PNOC: variants seen among roughly 807,000 people sequenced by gnomAD.
The protein encoded by PNOC is prepronociceptin.
A neutral mutation model predicts 15.6 loss-of-function variants in PNOC; 10 were observed. The ratio of observed to expected loss-of-function variants is 0.64; its 90% CI spans 0.40 to 1.09. PNOC has a LOEUF of 1.09. Ranked by LOEUF, PNOC falls within the 50% of genes least tolerant of loss-of-function variation. The pLI is 0.01. For missense variants in PNOC, 220 were observed against 223.9 expected, an observed-to-expected ratio of 0.98 and a Z score of 0.11; for synonymous variants, 98 against 88.5, an observed-to-expected ratio of 1.11 and a Z score of -0.60.
intron 2 of PNOC, among the ~76,000 whole-genome samples, chr8:28,332,768 A>G (rs1302966023): frequency 6.6e-6 from 1 of 152,130 alleles, no homozygotes; most frequent in East Asian, 1.9e-4. Flanking sequence ...CTGGCCAACA[A>G]GGCGAAACCC....
intron 1 of PNOC, among the ~76,000 whole-genome samples, chr8:28,325,126 C>T (rs892703607): frequency 3.9e-5 from 6 of 152,096 alleles, no homozygotes; most frequent in South Asian, 2.1e-4. Flanking sequence ...CGCATATCAC[C>T]GCCACTCTGC....
At chr8:28,331,342 G>A (rs1801326744) in intron 2 of PNOC, among the ~76,000 whole-genome samples, 1 of 152,212 alleles carries the variant, frequency 6.6e-6, no homozygotes, top group South Asian at 2.1e-4. Context: ...CCTTGCTGAT[G>A]ATTTCCTCCT....
intron 3 of PNOC, among the ~76,000 whole-genome samples, chr8:28,340,460 C>G (rs1246287506): frequency 2.6e-5 from 4 of 152,162 alleles, no homozygotes; most frequent in African/African-American, 9.7e-5. Flanking sequence ...GCATTGGCAA[C>G]CTAGCACAGT....
chr8:28,322,592 A>G (rs1274966158), intron 1 of PNOC, among the ~76,000 whole-genome samples: 1 of 152,226 alleles, frequency 6.6e-6, no homozygotes, highest in East Asian at 1.9e-4. Context: ...TGGGGATGAT[A>G]GCACTTACCC....
At chr8:28,330,067 C>T (rs906121588) in intron 2 of PNOC, among the ~76,000 whole-genome samples, 2 of 152,164 alleles carry the variant, frequency 1.3e-5, no homozygotes, top group Non-Finnish European at 1.5e-5. Flanking sequence ...CTGCCTCAGC[C>T]TCCCAAGTAG....
chr8:28,323,589 C>T (rs1370023445), intron 1 of PNOC, among the ~76,000 whole-genome samples: 1 of 152,250 alleles, frequency 6.6e-6, no homozygotes, highest in Non-Finnish European at 1.5e-5. Context: ...GTTGAAAGGA[C>T]TGACCATCTC....
intron 1 of PNOC, among the ~76,000 whole-genome samples, chr8:28,320,572 C>T (rs772443661): frequency 4.6e-5 from 7 of 152,170 alleles, no homozygotes; most frequent in Non-Finnish European, 7.4e-5. Context: ...GAAGTTTGGC[C>T]GGGCGCAGTG....
chr8:28,320,338 G>A (rs924432811), intron 1 of PNOC, among the ~76,000 whole-genome samples: 5 of 151,776 alleles, frequency 3.3e-5, no homozygotes, highest in African/African-American at 1.2e-4. Context: ...GCCAAGGAAC[G>A]TGTGTGGGGT....
chr8:28,338,963 G>A, intron 2 of PNOC, 77 bp from the exon 3 acceptor site: 1 of 1,333,086 alleles, frequency 7.5e-7, no homozygotes, highest in Middle Eastern at 1.9e-4. Flanking sequence ...TGGTGCAGTG[G>A]GCCAGATCTC....
intron 1 of PNOC, among the ~76,000 whole-genome samples, chr8:28,325,450 T>C (rs957880563): frequency 2.2e-4 from 34 of 151,630 alleles, no homozygotes; most frequent in Non-Finnish European, 4.4e-4. Flanking sequence ...GGTGAGGAGT[T>C]CAAGACCAGC....
chr8:28,334,351 C>CA (rs1177060179), intron 2 of PNOC, among the ~76,000 whole-genome samples: 1 of 152,172 alleles, frequency 6.6e-6, no homozygotes, highest in Non-Finnish European at 1.5e-5. Context: ...GAGCAAGTTC[C>CA]AAAACAGGAT....
chr8:28,330,400 T>TATTTTATTTATTTTTTTTTTTTTA (rs1431540071), intron 2 of PNOC, among the ~76,000 whole-genome samples: 2 of 102,228 alleles, frequency 2.0e-5, no homozygotes, highest in Non-Finnish European at 4.1e-5. Flanking sequence ...TATTTTATTT[T>TATTTTATTTATTTTTTTTTTTTTA]TTTTTTTTTT....
intron 1 of PNOC, among the ~76,000 whole-genome samples, chr8:28,320,076 C>G (rs201758950): frequency 0.15 from 7,634 of 50,482 alleles, 290 homozygotes; most frequent in East Asian, 0.32. Context: ...TTGTTTGTTT[C>G]TTTCTTTCTT....
At chr8:28,337,272 T>C (rs1801426452) in intron 2 of PNOC, among the ~76,000 whole-genome samples, 1 of 152,146 alleles carries the variant, frequency 6.6e-6, no homozygotes, top group African/African-American at 2.4e-5. Context: ...GTCAGTCTCC[T>C]ACTTTCTTGG....
chr8:28,338,239 C>T lies in PNOC; in HGVS notation c.127-801C>T, dbSNP rs371348557. Among the ~76,000 whole-genome samples, 21 of 152,164 alleles carry T rather than the reference C, an allele frequency of 1.4e-4. No homozygotes were observed. The East Asian group carries it at 1.9e-3, about 14-fold the overall frequency. On this transcript the variant is annotated intron_variant, in intron 2 of 3. Coordinates refer to ENST00000301908, the MANE Select transcript of PNOC (RefSeq NM_006228.5). ...CAGGAGACCCAATCAGAACCAAGAA[C>T]GTGGGAGGTGGGGGGCCAAGGTCAG...
At position 28,339,096 on chromosome 8, in the gene PNOC, C is replaced by T; in HGVS notation, c.183C>T (p.Cys61=). Residue 61 remains cysteine (C), a synonymous_variant, in exon 3 of 4, where the codon TGC becomes TGT. Transcript: ENST00000301908. ...TCCCCAGCCCCCTCTGGACTCCATG[C>T]ACCAAGGTCATGGCCAGGAGCTCTT... ...KVFPSPLWTP[C]TKVMARSSWQ... is the part of the protein sequence containing the mutation. 1 of 1,606,164 alleles carries T rather than the reference C, an allele frequency of 6.2e-7. No individual in the cohort carries two copies. Among genetic ancestry groups the T allele is most frequent in the South Asian group, 1.1e-5 (1 of 90,972 alleles).
At chr8:28,326,871 A>G (rs1801233442) in intron 1 of PNOC, among the ~76,000 whole-genome samples, 1 of 152,166 alleles carries the variant, frequency 6.6e-6, no homozygotes, top group Non-Finnish European at 1.5e-5. Flanking sequence ...AAACAAAAAC[A>G]AAAACAAAAA....
At chr8:28,335,124 C>A (rs1382428124) in intron 2 of PNOC, among the ~76,000 whole-genome samples, 1 of 152,242 alleles carries the variant, frequency 6.6e-6, no homozygotes, top group Non-Finnish European at 1.5e-5. Flanking sequence ...GAAAGGGACA[C>A]TCCTGTCAGA....
intron 3 of PNOC, among the ~76,000 whole-genome samples, chr8:28,340,708 TC>T (rs1801502703): frequency 6.6e-6 from 1 of 152,206 alleles, no homozygotes; most frequent in Admixed American, 6.5e-5. Flanking sequence ...CGCATCTGCT[TC>T]TGGTGAGGCC....
Sources: allele counts gnomAD v4.1 joint callset (sites outside exome capture counted in the v4.1 genomes callset), GRCh38; gene constraint gnomAD v4.1.1; transcripts MANE v1.5; gene names NCBI Gene and HGNC (gene_info 2026-07-23, HGNC 2026-07-21).